GMDS: variants seen among roughly 807,000 people sequenced by gnomAD.
GMDS encodes GDP-mannose 4,6-dehydratase.
GMDS carries 20 observed loss-of-function variants against 49.9 expected under a neutral mutation model. That is an observed-to-expected ratio of 0.40 (90% CI 0.28 to 0.58). The LOEUF (loss-of-function observed/expected upper bound fraction) is 0.58. Among genes scored for constraint, GMDS ranks in the 20% least tolerant of loss-of-function variants. The pLI is 0.42. For missense variants in GMDS, 362 were observed against 481.4 expected (o/e 0.75, Z 2.32); for synonymous variants, 177 against 178.6 (o/e 0.99, Z 0.07).
chr6:1,978,589 T>C (rs1765050080), intron 4 of GMDS, among the ~76,000 whole-genome samples: 1 of 152,000 alleles, frequency 6.6e-6, no homozygotes, highest in African/African-American at 2.4e-5. Flanking sequence ...CCCATGTTCT[T>C]TGGGGCCTAA....
At chr6:2,230,034 A>G (rs972769419) in intron 1 of GMDS, among the ~76,000 whole-genome samples, 2 of 139,040 alleles carry the variant, frequency 1.4e-5, no homozygotes, top group African/African-American at 5.9e-5. Context: ...CAGAGTCCAC[A>G]GTTGCGAGAC....
At chr6:1,667,588 T>C (rs938803299) in intron 9 of GMDS, among the ~76,000 whole-genome samples, 2 of 152,166 alleles carry the variant, frequency 1.3e-5, no homozygotes, top group African/African-American at 2.4e-5. Flanking sequence ...TAAAACCATA[T>C]GAACATGCTG....
At chr6:2,051,413 T>C (rs1220644178) in intron 4 of GMDS, among the ~76,000 whole-genome samples, 1 of 152,256 alleles carries the variant, frequency 6.6e-6, no homozygotes, top group Admixed American at 6.5e-5. Flanking sequence ...CACCATATAA[T>C]TTTTCATCTT....
At chr6:2,195,627 TA>T (rs1156516252) in intron 1 of GMDS, among the ~76,000 whole-genome samples, 5 of 152,174 alleles carry the variant, frequency 3.3e-5, no homozygotes, top group Non-Finnish European at 7.4e-5. Flanking sequence ...GTTGATTTCT[TA>T]GGTATTATGT....
chr6:1,736,497 C>T (rs1459993367), intron 8 of GMDS, among the ~76,000 whole-genome samples: 2 of 152,192 alleles, frequency 1.3e-5, no homozygotes, highest in East Asian at 3.8e-4. Context: ...TCATGGGACT[C>T]TACGCAGGTT....
intron 7 of GMDS, among the ~76,000 whole-genome samples, chr6:1,791,460 A>G (rs1368681098): frequency 2.0e-5 from 3 of 152,216 alleles, no homozygotes; most frequent in Admixed American, 6.5e-5. Context: ...TCCTCTTCTT[A>G]TAAGGACACT....
At chr6:1,646,826 A>T (rs1350133808) in intron 9 of GMDS, among the ~76,000 whole-genome samples, 1 of 150,988 alleles carries the variant, frequency 6.6e-6, no homozygotes, top group Non-Finnish European at 1.5e-5. Context: ...CATTTAGAAA[A>T]CTCCCTGAAG....
At chr6:2,131,222 A>C (rs748452653) in intron 1 of GMDS, among the ~76,000 whole-genome samples, 3 of 152,192 alleles carry the variant, frequency 2.0e-5, no homozygotes, top group Non-Finnish European at 2.9e-5. Context: ...ATGTGTAATA[A>C]TACTACTTTC....
At chr6:2,086,823 G>T (rs561919918) in intron 4 of GMDS, among the ~76,000 whole-genome samples, 1 of 152,156 alleles carries the variant, frequency 6.6e-6, no homozygotes, top group Admixed American at 6.5e-5. Context: ...TGTTCAGGCC[G>T]ACTATAATAG....
intron 9 of GMDS, among the ~76,000 whole-genome samples, chr6:1,723,203 G>C (rs528257502): frequency 8.6e-5 from 13 of 151,890 alleles, no homozygotes; most frequent in Non-Finnish European, 1.6e-4. Context: ...GGCCATTTTT[G>C]AGACCATTCT....
At chr6:1,886,423 T>G (rs1043940328) in intron 7 of GMDS, among the ~76,000 whole-genome samples, 1 of 152,216 alleles carries the variant, frequency 6.6e-6, no homozygotes, top group African/African-American at 2.4e-5. Context: ...TGAATGCAAG[T>G]AGATTTTATA....
intron 4 of GMDS, among the ~76,000 whole-genome samples, chr6:2,075,068 G>C (rs1772249053): frequency 6.6e-6 from 1 of 152,150 alleles, no homozygotes; most frequent in Non-Finnish European, 1.5e-5. Context: ...TTTGAGGTCA[G>C]AGAGTGTGAT....
chr6:2,213,555 G>A (rs1042696690), intron 1 of GMDS, among the ~76,000 whole-genome samples: 2 of 152,246 alleles, frequency 1.3e-5, no homozygotes, highest in Admixed American at 1.3e-4. Context: ...CTATAGTTTG[G>A]GGTGAAGGAG....
chr6:1,644,262 C>T (rs889626948), intron 9 of GMDS, among the ~76,000 whole-genome samples: 4 of 152,206 alleles, frequency 2.6e-5, no homozygotes, highest in African/African-American at 9.7e-5. Context: ...TGAACGATAG[C>T]GGATGGCACT....
intron 1 of GMDS, among the ~76,000 whole-genome samples, chr6:2,202,055 G>A (rs1167013647): frequency 1.4e-3 from 102 of 72,336 alleles, no homozygotes; most frequent in Middle Eastern, 0.01. Flanking sequence ...TGAGGGCAGC[G>A]CGTTAGCAGA....
chr6:1,744,559 G>T (rs1279937019), intron 7 of GMDS, among the ~76,000 whole-genome samples: 1 of 135,980 alleles, frequency 7.4e-6, no homozygotes, highest in East Asian at 2.6e-4. Flanking sequence ...GTCTACAATG[G>T]CTTGGTAGCT....
intron 4 of GMDS, among the ~76,000 whole-genome samples, chr6:2,026,867 A>G (rs1768633090): frequency 6.6e-6 from 1 of 152,214 alleles, no homozygotes; most frequent in Admixed American, 6.5e-5. Context: ...TTTATTGAAT[A>G]TTGCCCACAT....
chr6:1,917,078 C>T (rs770059937), intron 7 of GMDS, among the ~76,000 whole-genome samples: 37 of 152,302 alleles, frequency 2.4e-4, no homozygotes, highest in African/African-American at 3.4e-4. Context: ...CAGTTTCCTT[C>T]ACACTCAGTT....
chr6:1,643,764 A>T (rs2113191418), intron 9 of GMDS, among the ~76,000 whole-genome samples: 1 of 152,260 alleles, frequency 6.6e-6, no homozygotes, highest in South Asian at 2.1e-4. Flanking sequence ...AAACCCATTG[A>T]TCATATACTT....
Sources: allele counts gnomAD v4.1 joint callset (sites outside exome capture counted in the v4.1 genomes callset), GRCh38; gene constraint gnomAD v4.1.1; transcripts MANE v1.5; gene names NCBI Gene and HGNC (gene_info 2026-07-23, HGNC 2026-07-21).